The following LRRK1 variants were observed in gnomAD, a reference collection of about 807,000 sequenced individuals.
The protein encoded by LRRK1 is leucine-rich repeat serine/threonine-protein kinase 1.
A neutral mutation model predicts 209.1 loss-of-function variants in LRRK1; 113 were observed. That is an observed-to-expected ratio of 0.54 (90% confidence interval 0.46 to 0.63). The LOEUF is 0.63. Among genes scored for constraint, LRRK1 ranks in the 30% least tolerant of loss-of-function variants. The probability of loss-of-function intolerance (pLI) is 0.00; values close to 1 mark genes in which losing one functional copy is unlikely to be tolerated. For synonymous variants in LRRK1, 1,144 were observed against 1,099.7 expected (o/e 1.04, Z -0.80); for missense variants, 2,284 against 2,632.2 (o/e 0.87, Z 2.89).
intron 29 of LRRK1, among the ~76,000 whole-genome samples, chr15:101,059,899 G>C (rs1401872629): frequency 6.6e-6 from 1 of 152,218 alleles, no homozygotes; most frequent in Non-Finnish European, 1.5e-5. Context: ...GACATCGTCA[G>C]ACTTCTGAGG....
intron 6 of LRRK1, among the ~76,000 whole-genome samples, chr15:101,002,851 C>T (rs902088092): frequency 1.3e-5 from 2 of 152,218 alleles, no homozygotes; most frequent in African/African-American, 4.8e-5. Context: ...CGGCCTCAGC[C>T]TCCCAAGTAG....
chr15:101,068,782 C>G lies in LRRK1; in HGVS notation c.5982C>G (p.Phe1994Leu). 6.2e-7 allele frequency: 1 copy of G among 1,613,520 alleles called. No homozygotes were observed. Among genetic ancestry groups the G allele is most frequent in the Non-Finnish European group, 8.5e-7 (1 of 1,179,820 alleles). Residue 1994 changes from phenylalanine to leucine, a missense_variant, in exon 34 of 34, where the codon TTC becomes TTG. Phe to Leu is a conservative substitution (Grantham distance 22). Coordinates refer to ENST00000388948, the MANE Select transcript of LRRK1 (RefSeq NM_024652.6). The stretch of plus-strand genomic sequence containing the variant: ...GGAGGGGCTGGGGCGCCAGGGAGTT[C>G]GACATTTTCTACCAGTCCTACGAGG... ...AVWRGWGARE[F>L]DIFYQSYEEL...
At position 100,983,473 on chromosome 15, in the gene LRRK1, C is replaced by G. The variant is rs1447668824; in HGVS notation, c.262-55C>G. ...TGGTGAAGGGTTTAACGTCAGTTGTCTTGGCAGTTCCTAATAGAGCCAGTC... is the reference window on the plus strand; with the variant it reads ...TGGTGAAGGGTTTAACGTCAGTTGTGTTGGCAGTTCCTAATAGAGCCAGTC... On this transcript the variant is annotated intron_variant, in intron 3 of 33. Transcript: ENST00000388948. The G allele has an allele frequency of 2.0e-6, 3 of 1,491,604 alleles. No homozygotes were observed. In the East Asian group the frequency reaches 7.0e-5, roughly 35 times the overall value. The allele number at this position is 1,491,604 out of a possible 1,614,324, so 92.4% of individuals were successfully genotyped here. A position where few individuals can be genotyped will look rare whatever the true frequency, so the allele number is the denominator to read the frequency against.
At chr15:101,008,478 A>G (rs1431920198) in intron 6 of LRRK1, among the ~76,000 whole-genome samples, 2 of 152,006 alleles carry the variant, frequency 1.3e-5, no homozygotes, top group East Asian at 3.9e-4. Context: ...AGGCGCCTGG[A>G]CGCTTCAGCG....
At chr15:101,056,660 T>C (rs904216246) in intron 27 of LRRK1, among the ~76,000 whole-genome samples, 196 bp from the exon 28 acceptor site, 1 of 151,710 alleles carries the variant, frequency 6.6e-6, no homozygotes, top group Admixed American at 6.6e-5. Context: ...GGTGAGAAAA[T>C]GGATAGATAA....
chr15:101,027,662 C>G lies in LRRK1; in HGVS notation c.2551C>G (p.Gln851Glu). Residue 851 changes from glutamine to glutamate, a missense_variant, in exon 19 of 34, where the codon CAG becomes GAG. This residue lies in a region of LRRK1 where 780 missense variants were observed against 985.2 expected (regional missense o/e 0.79). Transcript: ENST00000388948. This position sits in a 1 kb window ranked among gnomAD's most constrained non-coding sequence, Gnocchi z 5.1. ...GATCCCCAGGAGCTACCTGAGCCTG[C>G]AGGAGGCCGTGCTGGCAGAGCAGCA... is the stretch of plus-strand genomic sequence containing the variant. ...RLIPRSYLSL[Q>E]EAVLAEQQRR... 6.2e-7 allele frequency: 1 copy of G among 1,612,992 alleles called. No homozygotes were observed. Among genetic ancestry groups the G allele is most frequent in the East Asian group, 2.2e-5 (1 of 44,854 alleles).
intron 31 of LRRK1, 69 bp downstream of exon 31, chr15:101,062,759 C>A: frequency 8.5e-7 from 1 of 1,169,938 alleles, no homozygotes; most frequent in Non-Finnish European, 1.3e-6. Flanking sequence ...CGTCTCCTAG[C>A]TATGTCAGGG....
At chr15:101,006,404 A>G (rs1314670324) in intron 6 of LRRK1, among the ~76,000 whole-genome samples, 1 of 151,688 alleles carries the variant, frequency 6.6e-6, no homozygotes, top group Non-Finnish European at 1.5e-5. Context: ...AAAAGGCATT[A>G]AAAGGTGTGA....
intron 2 of LRRK1, among the ~76,000 whole-genome samples, chr15:100,953,014 A>T (rs906135042): frequency 6.6e-6 from 1 of 152,248 alleles, no homozygotes; most frequent in Non-Finnish European, 1.5e-5. Context: ...AATAAAAATT[A>T]TATATTTCAT....
At chr15:101,047,628 G>A (rs901414095) in intron 21 of LRRK1, among the ~76,000 whole-genome samples, 2 of 152,208 alleles carry the variant, frequency 1.3e-5, no homozygotes, top group African/African-American at 4.8e-5. Flanking sequence ...GCAAATTCAA[G>A]CAGCAGTGAG....
At chr15:101,040,409 A>T (rs1468664764) in intron 20 of LRRK1, among the ~76,000 whole-genome samples, 1 of 151,876 alleles carries the variant, frequency 6.6e-6, no homozygotes, top group Non-Finnish European at 1.5e-5. Context: ...CTTTTCTCTC[A>T]TTCTTTCTTG....
chr15:100,962,826 T>A lies in LRRK1; in HGVS notation c.98-10978T>A, dbSNP rs1172752775. ...ATATATATATATATATATATATATT[T>A]TTTTTTTTTTTTTTGAGATGGAGTT... On this transcript the variant is annotated intron_variant, in intron 2 of 33. Transcript: ENST00000388948. Among the ~76,000 whole-genome samples the A allele has an allele frequency of 2.5e-4, 10 of 40,740 alleles. No homozygotes were observed. In the East Asian group the frequency reaches 5.3e-3, roughly 21 times the overall value. The allele number at this position is 40,740 out of a possible 152,430, so 26.7% of individuals were successfully genotyped here.
intron 2 of LRRK1, among the ~76,000 whole-genome samples, chr15:100,963,470 C>T (rs1348520425): frequency 6.6e-6 from 1 of 152,192 alleles, no homozygotes; most frequent in Non-Finnish European, 1.5e-5. Context: ...TCCTTCCTAG[C>T]GCTGCTGTAG....
In LRRK1 at chr15:101,070,339, A is replaced by C. The variant is rs1596370162; in HGVS notation, c.*1491A>C. 4.0e-5 allele frequency: 5 copies of C among 123,940 alleles called. No homozygotes were observed. The highest frequency in any genetic ancestry group is 8.4e-5 in the Admixed American group (1 of 11,872). The allele number at this position is 123,940 out of a possible 1,614,324, so 7.7% of individuals were successfully genotyped here. A position where few individuals can be genotyped will look rare whatever the true frequency, so the allele number is the denominator to read the frequency against. ...TTTTTTTTTTTTTTTTTTTTTACCA[A>C]CCTGGGCACCAAGTCCCAGGGGGCT... On this transcript the variant is annotated 3_prime_UTR_variant, in exon 34 of 34. Transcript: ENST00000388948.
intron 20 of LRRK1, among the ~76,000 whole-genome samples, chr15:101,035,337 C>T (rs2034455287): frequency 6.6e-6 from 1 of 152,020 alleles, no homozygotes; most frequent in African/African-American, 2.4e-5. Context: ...AATCTGGGTG[C>T]TCCAATGTTG....
intron 3 of LRRK1, among the ~76,000 whole-genome samples, chr15:100,974,891 T>C (rs2141654999): frequency 6.6e-6 from 1 of 152,370 alleles, no homozygotes; most frequent in Non-Finnish European, 1.5e-5. Context: ...GCTATTATCA[T>C]GAAAATACCT....
chr15:101,003,931 G>T (rs565093741), intron 6 of LRRK1, among the ~76,000 whole-genome samples: 8 of 152,132 alleles, frequency 5.3e-5, no homozygotes, highest in Non-Finnish European at 8.8e-5. Flanking sequence ...CACCCCAGCA[G>T]CCCTTTGAGC....
intron 20 of LRRK1, among the ~76,000 whole-genome samples, chr15:101,032,780 C>G (rs942281762): frequency 6.6e-6 from 1 of 152,156 alleles, no homozygotes; most frequent in African/African-American, 2.4e-5. Context: ...ATGGAATTAT[C>G]TTGGTTTCTT....
At chr15:100,947,387 C>A (rs2042562700) in intron 2 of LRRK1, among the ~76,000 whole-genome samples, 1 of 151,976 alleles carries the variant, frequency 6.6e-6, no homozygotes, top group South Asian at 2.1e-4. Context: ...AAATGAAAAC[C>A]AATTATGAGA....
Sources: allele counts gnomAD v4.1 joint callset (sites outside exome capture counted in the v4.1 genomes callset), GRCh38; gene constraint gnomAD v4.1.1; regional missense constraint gnomAD v4.1.1; non-coding constraint Gnocchi (gnomAD v3.1); transcripts MANE v1.5; gene names NCBI Gene and HGNC (gene_info 2026-07-23, HGNC 2026-07-21).